SLC25A21: variants seen among roughly 807,000 people sequenced by gnomAD.
SLC25A21 encodes mitochondrial 2-oxodicarboxylate carrier.
Under a neutral mutation model 43.8 loss-of-function variants are expected in SLC25A21, and 47 were observed. The ratio of observed to expected loss-of-function variants is 1.07; its 90% CI spans 0.85 to 1.37. The LOEUF (loss-of-function observed/expected upper bound fraction) is 1.37, where lower values mean the gene tolerates loss of function less well. Ranked by LOEUF, SLC25A21 falls within the 40% of genes most tolerant of loss-of-function variation. The pLI, the probability that SLC25A21 is intolerant of heterozygous loss-of-function variation, is 0.00. For missense variants in SLC25A21, 352 were observed against 350.2 expected (o/e 1.00, Z -0.04); for synonymous variants, 131 against 121.3 (o/e 1.08, Z -0.52).
chr14:36,868,288 G>A (rs1890269771), intron 2 of SLC25A21, among the ~76,000 whole-genome samples: 1 of 152,070 alleles, frequency 6.6e-6, no homozygotes, highest in African/African-American at 2.4e-5. Context: ...TATACACACA[G>A]CTCTGTTTGT....
intron 3 of SLC25A21, among the ~76,000 whole-genome samples, chr14:36,779,509 A>G (rs1886963819): frequency 6.9e-6 from 1 of 145,028 alleles, no homozygotes; most frequent in South Asian, 2.1e-4. Context: ...TCCTATATAT[A>G]TAAGAATAAA....
intron 1 of SLC25A21, among the ~76,000 whole-genome samples, chr14:37,090,097 A>G (rs2138849383): frequency 6.6e-6 from 1 of 152,350 alleles, no homozygotes; most frequent in East Asian, 1.9e-4. Flanking sequence ...ACAAACTGTC[A>G]GCTGTAACCT....
Position 37,053,820 on chromosome 14 carries a change from C to T in SLC25A21, c.70+118461G>A, listed in dbSNP as rs80355928. 0.016 allele frequency among the ~76,000 whole-genome samples: 2,467 copies of T among 152,250 alleles called. 192 individuals carry two copies. The East Asian group carries it at 0.26, about 16-fold the overall frequency. On this transcript the variant is annotated intron_variant, in intron 1 of 9. Coordinates refer to ENST00000331299, the MANE Select transcript of SLC25A21 (RefSeq NM_030631.4). ...TTCAGAAGTCAACTAAAGAGTCTCACATTAGCCAAAGATAAGACAATTTGA... is the reference window on the plus strand; with the variant it reads ...TTCAGAAGTCAACTAAAGAGTCTCATATTAGCCAAAGATAAGACAATTTGA...
intron 4 of SLC25A21, 130 bp from the exon 5 acceptor site, chr14:36,729,696 G>T: frequency 2.9e-6 from 2 of 696,824 alleles, no homozygotes; most frequent in Non-Finnish European, 4.6e-6. Flanking sequence ...ATCTAATACA[G>T]TTTTTAATCC....
At chr14:37,102,598 G>C (rs940817517) in intron 1 of SLC25A21, among the ~76,000 whole-genome samples, 2 of 152,076 alleles carry the variant, frequency 1.3e-5, no homozygotes, top group African/African-American at 4.8e-5. Flanking sequence ...CCAAAACATA[G>C]AAAAAGGATC....
intron 3 of SLC25A21, among the ~76,000 whole-genome samples, chr14:36,763,197 G>A (rs1416277551): frequency 2.0e-5 from 3 of 152,196 alleles, no homozygotes; most frequent in Non-Finnish European, 4.4e-5. Flanking sequence ...CACTGATTCT[G>A]AGATAGTATT....
intron 2 of SLC25A21, among the ~76,000 whole-genome samples, chr14:36,869,963 GA>G (rs1890322899): frequency 6.6e-6 from 1 of 152,162 alleles, no homozygotes; most frequent in Non-Finnish European, 1.5e-5. Flanking sequence ...TAGGGAAAAG[GA>G]ACCTGAAGAA....
intron 1 of SLC25A21, among the ~76,000 whole-genome samples, chr14:37,065,853 C>T (rs1215370019): frequency 6.6e-6 from 1 of 151,994 alleles, no homozygotes; most frequent in Non-Finnish European, 1.5e-5. Flanking sequence ...CAAAATGTGC[C>T]TTAGCAGATT....
intron 1 of SLC25A21, among the ~76,000 whole-genome samples, chr14:36,937,454 C>T (rs1892451798): frequency 6.6e-6 from 1 of 152,244 alleles, no homozygotes; most frequent in East Asian, 1.9e-4. Context: ...TAGAGAGTGA[C>T]ATTGGTTTCC....
At chr14:37,091,092 C>T (rs1962576241) in intron 1 of SLC25A21, among the ~76,000 whole-genome samples, 1 of 152,140 alleles carries the variant, frequency 6.6e-6, no homozygotes, top group African/African-American at 2.4e-5. Context: ...CTGAACAAAG[C>T]TTACCTGACA....
intron 1 of SLC25A21, among the ~76,000 whole-genome samples, chr14:37,074,398 T>C (rs1962237525): frequency 1.3e-5 from 2 of 152,234 alleles, no homozygotes; most frequent in African/African-American, 4.8e-5. Flanking sequence ...ATTCTTCATT[T>C]GCCTCTCCAA....
chr14:36,711,571 A>G, intron 6 of SLC25A21, 89 bp from the exon 7 acceptor site: 1 of 1,396,666 alleles, frequency 7.2e-7, no homozygotes, highest in Non-Finnish European at 9.6e-7. Context: ...TCAAGCCAGA[A>G]TTATTAGGGA....
intron 1 of SLC25A21, among the ~76,000 whole-genome samples, chr14:36,971,438 C>T (rs746383567): frequency 1.5e-4 from 23 of 151,996 alleles, no homozygotes; most frequent in Non-Finnish European, 8.8e-5. Context: ...TGGCGCTGGC[C>T]AAGTAGAAAG....
intron 3 of SLC25A21, among the ~76,000 whole-genome samples, chr14:36,764,123 A>AAGGTAGGAAG (rs1886290731): frequency 2.0e-5 from 1 of 49,402 alleles, no homozygotes; most frequent in African/African-American, 1.0e-4. Context: ...AAAGAAGGAA[A>AAGGTAGGAAG]GAAGGAAAGA....
intron 1 of SLC25A21, among the ~76,000 whole-genome samples, chr14:36,971,606 G>A (rs137958258): frequency 8.6e-5 from 13 of 151,828 alleles, no homozygotes; most frequent in South Asian, 4.2e-4. Flanking sequence ...GCTCCCTTTC[G>A]GGCACCTCTC....
At chr14:36,931,999 C>T (rs1892308803) in intron 1 of SLC25A21, among the ~76,000 whole-genome samples, 1 of 152,110 alleles carries the variant, frequency 6.6e-6, no homozygotes, top group African/African-American at 2.4e-5. Flanking sequence ...ATGAAATAGT[C>T]ATGAAATATG....
chr14:36,973,709 T>C (rs982392838), intron 1 of SLC25A21, among the ~76,000 whole-genome samples: 1 of 152,208 alleles, frequency 6.6e-6, no homozygotes, highest in Non-Finnish European at 1.5e-5. Flanking sequence ...CAAATTCTCA[T>C]ACGTGGTTAA....
intron 1 of SLC25A21, among the ~76,000 whole-genome samples, chr14:36,902,560 G>A (rs1357799441): frequency 2.0e-5 from 3 of 152,110 alleles, no homozygotes; most frequent in Admixed American, 1.3e-4. Flanking sequence ...GAAAAAGGAA[G>A]GTGTTCATAA....
chr14:36,738,057 C>T (rs7153250), intron 3 of SLC25A21, among the ~76,000 whole-genome samples: 9,608 of 152,204 alleles, frequency 0.063, 1,007 homozygotes, highest in African/African-American at 0.22. Flanking sequence ...GTAAGCATCA[C>T]TGTCCCTCCA....
Sources: allele counts gnomAD v4.1 joint callset (sites outside exome capture counted in the v4.1 genomes callset), GRCh38; gene constraint gnomAD v4.1.1; transcripts MANE v1.5; gene names NCBI Gene and HGNC (gene_info 2026-07-23, HGNC 2026-07-21).